ACOT7: variants seen among roughly 807,000 people sequenced by gnomAD.
ACOT7 encodes cytosolic acyl coenzyme A thioester hydrolase.
In ACOT7, 12 loss-of-function variants were observed where a neutral mutation model predicts 40.2. That is an observed-to-expected ratio of 0.30 (90% CI 0.19 to 0.48). ACOT7 has a LOEUF of 0.48. Ranked by LOEUF, ACOT7 falls within the 20% of genes least tolerant of loss-of-function variation. The pLI is 0.99. For synonymous variants in ACOT7, 228 were observed against 219.5 expected (o/e 1.04, Z -0.34); for missense variants, 395 against 530.8 (o/e 0.74, Z 2.51).
In ACOT7 at chr1:6,349,770, C is replaced by T. The variant is rs763204698; in HGVS notation, c.240G>A (p.Arg80=). ...IEEAGAIIST[R]HCNSQNGERC... is the part of the protein sequence containing the mutation. ...TTACCCCGTTCTGGCTGTTGCAATG[C>T]CGGGTGCTGATGATGGCGCCTGCCT... The change falls in exon 2 of 9, where the codon CGG becomes CGA. Residue 80 remains arginine (R), a synonymous_variant. Coordinates refer to ENST00000361521, the MANE Select transcript of ACOT7 (RefSeq NM_007274.4). 6.2e-7 allele frequency: 1 copy of T among 1,613,896 alleles called. No individual in the cohort carries two copies.
chr1:6,302,235 G>A (rs981361484), intron 6 of ACOT7, among the ~76,000 whole-genome samples: 5 of 152,138 alleles, frequency 3.3e-5, no homozygotes, highest in African/African-American at 1.2e-4. Flanking sequence ...AGGCAGGAGG[G>A]CTCTGAGCTC....
At chr1:6,387,741 GC>G (rs1026827837) in intron 1 of ACOT7, among the ~76,000 whole-genome samples, 8 of 152,180 alleles carry the variant, frequency 5.3e-5, no homozygotes, top group Admixed American at 2.6e-4. Flanking sequence ...AGGCTAAGTG[GC>G]CCACTTACAG....
chr1:6,387,661 G>C (rs945334959), intron 1 of ACOT7, among the ~76,000 whole-genome samples: 3 of 152,222 alleles, frequency 2.0e-5, no homozygotes, highest in Admixed American at 2.0e-4. Context: ...TCACACAGGA[G>C]AAAGCCACTT....
At chr1:6,321,367 C>T (rs1328803055) in intron 5 of ACOT7, among the ~76,000 whole-genome samples, 1 of 152,150 alleles carries the variant, frequency 6.6e-6, no homozygotes, top group African/African-American at 2.4e-5. Context: ...TGACAGGAAC[C>T]ACACCCAACG....
chr1:6,339,311 G>A (rs1270677994), intron 3 of ACOT7, 122 bp downstream of exon 3: 1 of 1,382,120 alleles, frequency 7.2e-7, no homozygotes, highest in East Asian at 2.4e-5. Context: ...GGTGGGAGGT[G>A]AGAGAGGTCT....
At position 6,264,391 on chromosome 1, in the gene ACOT7, A is replaced by G. The variant is rs1638751979; in HGVS notation, c.*206T>C. 2 of 590,576 alleles carry G rather than the reference A, an allele frequency of 3.4e-6. No individual in the cohort carries two copies. Among genetic ancestry groups the G allele is most frequent in the African/African-American group, 1.9e-5 (1 of 53,348 alleles). 36.6% of individuals were successfully genotyped at this position (590,576 alleles called of 1,614,324 possible). A position where few individuals can be genotyped will look rare whatever the true frequency, so the allele number is the denominator to read the frequency against. ...CCCGGCGCTCGGGACAACACTGTGTAGCATTGATACTGGAATGATATAAAT... is the reference window on the plus strand; with the variant it reads ...CCCGGCGCTCGGGACAACACTGTGTGGCATTGATACTGGAATGATATAAAT... On this transcript the variant is annotated 3_prime_UTR_variant, in exon 9 of 9. Coordinates refer to ENST00000361521, the MANE Select transcript of ACOT7 (RefSeq NM_007274.4).
intron 8 of ACOT7, among the ~76,000 whole-genome samples, chr1:6,267,122 C>A (rs1428898852): frequency 6.6e-6 from 1 of 152,190 alleles, no homozygotes; most frequent in African/African-American, 2.4e-5. Flanking sequence ...AGAGAGCGAG[C>A]CTGGCCCAGG....
chr1:6,321,611 T>C (rs1242847301), intron 5 of ACOT7, among the ~76,000 whole-genome samples: 1 of 152,140 alleles, frequency 6.6e-6, no homozygotes, highest in African/African-American at 2.4e-5. Flanking sequence ...GCGTCCCGGG[T>C]TCACGCCATT....
intron 8 of ACOT7, among the ~76,000 whole-genome samples, chr1:6,273,997 C>T (rs1168242945): frequency 6.6e-6 from 1 of 152,346 alleles, no homozygotes; most frequent in East Asian, 1.9e-4. Flanking sequence ...TCTTCTTGTC[C>T]TGGTCCGGCC....
In ACOT7 at chr1:6,299,632, C is replaced by T. The variant is rs933744160; in HGVS notation, c.713-4652G>A. 1.3e-5 allele frequency among the ~76,000 whole-genome samples: 2 copies of T among 150,570 alleles called. No individual in the cohort carries two copies. The highest frequency in any genetic ancestry group is 5.0e-5 in the African/African-American group (2 of 40,242). The stretch of plus-strand genomic sequence containing the variant: ...GCCACCTCCTGACTAGGTACTAGGT[C>T]ATGGCTTCAGAGAGAGAGAGAGAGA... On this transcript the variant is annotated intron_variant, in intron 6 of 8. Coordinates refer to ENST00000361521, the MANE Select transcript of ACOT7 (RefSeq NM_007274.4). The surrounding 1 kb of genome is among the most constrained non-coding windows in gnomAD (Gnocchi z 4.1).
At chr1:6,271,498 T>C (rs541117546) in intron 8 of ACOT7, among the ~76,000 whole-genome samples, 1 of 152,298 alleles carries the variant, frequency 6.6e-6, no homozygotes, top group South Asian at 2.1e-4. Flanking sequence ...GCCTTGTGCA[T>C]GGAGAAGCCA....
At chr1:6,317,983 C>T (rs911159971) in intron 6 of ACOT7, among the ~76,000 whole-genome samples, 2 of 152,184 alleles carry the variant, frequency 1.3e-5, no homozygotes, top group Non-Finnish European at 1.5e-5. Flanking sequence ...CCAGCCACCT[C>T]GGCCTCCCAA....
chr1:6,309,352 AGC>A, intron 6 of ACOT7, among the ~76,000 whole-genome samples: 1 of 152,222 alleles, frequency 6.6e-6, no homozygotes, highest in East Asian at 1.9e-4. Flanking sequence ...CTGGGAGGAC[AGC>A]TCCAAGATAT....
chr1:6,383,121 C>T (rs999159767), intron 1 of ACOT7, among the ~76,000 whole-genome samples: 3 of 151,074 alleles, frequency 2.0e-5, no homozygotes, highest in Non-Finnish European at 4.4e-5. Context: ...TCAGGTGATC[C>T]ACCCAGCTTG....
At chr1:6,357,304 G>A (rs986615473) in intron 1 of ACOT7, among the ~76,000 whole-genome samples, 1 of 152,226 alleles carries the variant, frequency 6.6e-6, no homozygotes, top group Non-Finnish European at 1.5e-5. Context: ...ACCAGGGGTA[G>A]GTGAGCCTTG....
chr1:6,334,926 C>T (rs1378588921), intron 3 of ACOT7, among the ~76,000 whole-genome samples: 1 of 152,212 alleles, frequency 6.6e-6, no homozygotes, highest in Admixed American at 6.5e-5. Context: ...TGGCTCACAC[C>T]TGTAATCCCA....
intron 5 of ACOT7, among the ~76,000 whole-genome samples, chr1:6,324,293 C>CAATATTTAA (rs1207450602): frequency 6.6e-6 from 1 of 151,998 alleles, no homozygotes; most frequent in Non-Finnish European, 1.5e-5. Context: ...ATTTAAAAGC[C>CAATATTTAA]GAGTCTCTAA....
At chr1:6,272,988 C>T (rs1237428361) in intron 8 of ACOT7, among the ~76,000 whole-genome samples, 1 of 152,242 alleles carries the variant, frequency 6.6e-6, no homozygotes, top group East Asian at 1.9e-4. Context: ...GGCTCCATCC[C>T]ACACTCTGTT....
chr1:6,273,769 G>A (rs534264089), intron 8 of ACOT7, among the ~76,000 whole-genome samples: 15 of 152,386 alleles, frequency 9.8e-5, no homozygotes, highest in African/African-American at 1.9e-4. Context: ...ATCCCAGGGC[G>A]AGTGCAGAGG....
Sources: gnomAD v4.1 joint callset for allele counts (sites outside exome capture counted in the v4.1 genomes callset) on GRCh38, gnomAD v4.1.1 for gene constraint, Gnocchi (gnomAD v3.1) non-coding constraint, MANE v1.5 for transcripts, NCBI Gene and HGNC (gene_info 2026-07-23, HGNC 2026-07-21) for gene names.